The following EHBP1 variants were observed in gnomAD, a reference collection of about 807,000 sequenced individuals.
EHBP1 encodes the protein EH domain binding protein 1.
A neutral mutation model predicts 144.0 loss-of-function variants in EHBP1; 55 were observed. The observed-to-expected ratio is 0.38, with a 90% confidence interval of 0.31 to 0.48. The LOEUF (loss-of-function observed/expected upper bound fraction) is 0.48. EHBP1 is among the 20% of genes least tolerant of loss of function. The pLI, the probability that EHBP1 is intolerant of heterozygous loss-of-function variation, is 0.98. For missense variants in EHBP1, 1,200 were observed against 1,364.2 expected, an observed-to-expected ratio of 0.88 and a Z score of 1.90; for synonymous variants, 469 against 472.7, an observed-to-expected ratio of 0.99 and a Z score of 0.10.
intron 3 of EHBP1, among the ~76,000 whole-genome samples, chr2:62,755,871 T>A (rs1482275154): frequency 6.6e-6 from 1 of 151,960 alleles, no homozygotes; most frequent in Admixed American, 6.6e-5. Context: ...TTATCTCTTT[T>A]AATAATTAGC....
Position 62,764,371 on chromosome 2 carries a change from AT to A in EHBP1, c.258+15del, listed in dbSNP as rs1478553683. ...TGTAACACTTTTTAAGGTAAGTTCC[AT>A]TTTTATAGGCTATAGAATTTATTAT... On this transcript the variant is annotated intron_variant, in intron 4 of 22. Coordinates refer to ENST00000431489, the MANE Select transcript of EHBP1 (RefSeq NM_001142616.3). The A allele has an allele frequency of 1.3e-6, 2 of 1,555,306 alleles. No homozygotes were observed. Among genetic ancestry groups the A allele is most frequent in the Non-Finnish European group, 1.7e-6 (2 of 1,152,864 alleles).
intron 10 of EHBP1, among the ~76,000 whole-genome samples, chr2:62,903,308 A>G (rs2152953000): frequency 6.6e-6 from 1 of 152,346 alleles, no homozygotes; most frequent in East Asian, 1.9e-4. Context: ...ATAAATTTCT[A>G]TCAGTGTGAA....
At chr2:62,831,356 A>T (rs1022398613) in intron 7 of EHBP1, among the ~76,000 whole-genome samples, 198 bp downstream of exon 7, 1 of 152,174 alleles carries the variant, frequency 6.6e-6, no homozygotes, top group Non-Finnish European at 1.5e-5. Flanking sequence ...GTTTGAGATC[A>T]AGTACAAGGA....
chr2:62,904,089 C>T (rs1296172127), intron 10 of EHBP1, among the ~76,000 whole-genome samples: 1 of 151,992 alleles, frequency 6.6e-6, no homozygotes, highest in Non-Finnish European at 1.5e-5. Flanking sequence ...ATCAAATAAC[C>T]ATAAAATATG....
In EHBP1 at chr2:62,906,171, G is replaced by A. The variant is rs535428979; in HGVS notation, c.1185+31639G>A. Among the ~76,000 whole-genome samples the A allele has an allele frequency of 1.7e-3, 248 of 146,898 alleles. 1 individual carries two copies. The highest frequency in any genetic ancestry group is 7.2e-3 in the Middle Eastern group (2 of 278). ...TTTTGTCTTTTTTTTTTTTTTTAGC[G>A]TATTTATACCCAGTCATTCCAGCAC... On this transcript the variant is annotated intron_variant, in intron 10 of 22. Coordinates refer to ENST00000431489, the MANE Select transcript of EHBP1 (RefSeq NM_001142616.3).
At chr2:62,822,608 A>G (rs1217805983) in intron 5 of EHBP1, among the ~76,000 whole-genome samples, 1 of 152,208 alleles carries the variant, frequency 6.6e-6, no homozygotes, top group African/African-American at 2.4e-5. Flanking sequence ...TAAGATTTGC[A>G]TGTATTCAAC....
chr2:62,704,845 A>T (rs1441268319), upstream of EHBP1, among the ~76,000 whole-genome samples: 1 of 152,198 alleles, frequency 6.6e-6, no homozygotes, highest in East Asian at 1.9e-4. Flanking sequence ...GGCTCTTTTA[A>T]CAAGATTGAG....
chr2:62,841,260 T>G, intron 7 of EHBP1, among the ~76,000 whole-genome samples: 1 of 147,842 alleles, frequency 6.8e-6, no homozygotes, highest in Non-Finnish European at 1.5e-5. Context: ...AAACACCGCA[T>G]ATTCTCACTC....
intron 19 of EHBP1, among the ~76,000 whole-genome samples, chr2:63,012,647 C>T (rs1004519563): frequency 1.3e-5 from 2 of 152,076 alleles, no homozygotes; most frequent in Non-Finnish European, 2.9e-5. Context: ...TTCAGAGGCA[C>T]TAATGTCCAA....
chr2:63,033,638 A>G (rs930534008), intron 19 of EHBP1, among the ~76,000 whole-genome samples: 1 of 152,178 alleles, frequency 6.6e-6, no homozygotes, highest in African/African-American at 2.4e-5. Context: ...TTTTTAAAAC[A>G]TTCATAATTT....
chr2:62,983,597 A>G (rs924903175), intron 15 of EHBP1, among the ~76,000 whole-genome samples: 7 of 152,196 alleles, frequency 4.6e-5, no homozygotes, highest in East Asian at 1.9e-4. Context: ...CTGGAGTGCA[A>G]TGGCGCTATC....
In EHBP1 at chr2:63,045,272, C is replaced by A; in HGVS notation, c.3392+92C>A. On this transcript the variant is annotated intron_variant, in intron 22 of 22. Transcript: ENST00000431489. The surrounding 1 kb of genome is among the most constrained non-coding windows in gnomAD (Gnocchi z 5.7). Reference sequence around the variant, plus strand: ...GTTCAATCCAGAGGTCGCGGGAGGGCCGGGGCAGCCTCCCACTGGCCTGGT... The same window carrying A: ...GTTCAATCCAGAGGTCGCGGGAGGGACGGGGCAGCCTCCCACTGGCCTGGT... 1.4e-6 allele frequency: 2 copies of A among 1,392,690 alleles called. No individual in the cohort carries two copies. Among genetic ancestry groups the A allele is most frequent in the Non-Finnish European group, 2.0e-6 (2 of 1,005,240 alleles). 86.3% of individuals were successfully genotyped at this position (1,392,690 alleles called of 1,614,324 possible). A position where few individuals can be genotyped will look rare whatever the true frequency, so the allele number is the denominator to read the frequency against.
Position 62,957,480 on chromosome 2 carries a change from A to G in EHBP1, c.2460+1820A>G, listed in dbSNP as rs180867061. ...TCCACTATCACTTCTGTTCAATATC[A>G]TAATGGGGAACCTAAGACAAGGAAA... On this transcript the variant is annotated intron_variant, in intron 14 of 22. Coordinates refer to ENST00000431489, the MANE Select transcript of EHBP1 (RefSeq NM_001142616.3). Among the ~76,000 whole-genome samples the G allele has an allele frequency of 5.3e-5, 8 of 152,246 alleles. No individual in the cohort carries two copies. The East Asian group carries it at 1.5e-3, about 29-fold the overall frequency.
intron 1 of EHBP1, among the ~76,000 whole-genome samples, chr2:62,686,678 G>A (rs1253100132): frequency 6.6e-6 from 1 of 152,122 alleles, no homozygotes; most frequent in Non-Finnish European, 1.5e-5. Context: ...ATCTGAAAAG[G>A]ACTGGGTATC....
At chr2:62,918,583 A>G (rs1403660076) in intron 10 of EHBP1, among the ~76,000 whole-genome samples, 2 of 152,158 alleles carry the variant, frequency 1.3e-5, no homozygotes, top group Admixed American at 6.6e-5. Context: ...CTCTAATGAC[A>G]TAACAAGGAA....
intron 19 of EHBP1, among the ~76,000 whole-genome samples, chr2:63,014,145 G>T (rs1245731920): frequency 1.3e-5 from 2 of 152,188 alleles, no homozygotes; most frequent in African/African-American, 2.4e-5. Context: ...TCTCATCATT[G>T]CATAGTTTGG....
At chr2:62,919,707 A>G (rs1002052177) in intron 10 of EHBP1, among the ~76,000 whole-genome samples, 7 of 152,190 alleles carry the variant, frequency 4.6e-5, no homozygotes, top group Non-Finnish European at 8.8e-5. Context: ...TGTCAGATCT[A>G]CTACACAAAG....
intron 10 of EHBP1, among the ~76,000 whole-genome samples, chr2:62,879,582 CACACACACAGAG>C (rs1461970103): frequency 1.5e-4 from 23 of 151,102 alleles, no homozygotes; most frequent in African/African-American, 5.1e-4. Flanking sequence ...CACACACACA[CACACACACAGAG>C]ACAGAGAGAG....
intron 5 of EHBP1, among the ~76,000 whole-genome samples, chr2:62,792,692 A>C (rs913405803): frequency 6.6e-6 from 1 of 152,034 alleles, no homozygotes; most frequent in East Asian, 1.9e-4. Context: ...CTTTTTGTAC[A>C]CTCAAACAAT....
Sources: gnomAD v4.1 joint callset for allele counts (sites outside exome capture counted in the v4.1 genomes callset) on GRCh38, gnomAD v4.1.1 for gene constraint, Gnocchi (gnomAD v3.1) non-coding constraint, MANE v1.5 for transcripts, NCBI Gene and HGNC (gene_info 2026-07-23, HGNC 2026-07-21) for gene names.